Variants in COL27A1 observed in about 807,000 individuals in gnomAD.
The protein encoded by COL27A1 is collagen type XXVII alpha 1 chain, also known as collagen alpha-1(XXVII) chain.
A neutral mutation model predicts 251.3 loss-of-function variants in COL27A1; 106 were observed. The observed-to-expected ratio is 0.42, with a 90% confidence interval of 0.36 to 0.50. The LOEUF is 0.50. COL27A1 is among the 20% of genes least tolerant of loss of function. COL27A1 has a pLI of 0.00. For missense variants in COL27A1, 2,325 were observed against 2,522.8 expected (o/e 0.92, Z 1.68); for synonymous variants, 1,000 against 986.3 (o/e 1.01, Z -0.26).
At chr9:114,272,147 G>A (rs1292154023) in intron 36 of COL27A1, 1 of 152,198 alleles carries the variant, frequency 6.6e-6, no homozygotes, top group Non-Finnish European at 1.5e-5. Context: ...CCCACCCAAA[G>A]GGCTTTATGT....
At position 114,169,143 on chromosome 9, in the gene COL27A1, C is replaced by T. The variant is rs1277447617; in HGVS notation, c.1588C>T (p.Pro530Ser). The change falls in exon 3 of 61, where the codon CCC (proline) becomes TCC (serine). Residue 530 changes from proline to serine, a missense_variant. Transcript: ENST00000356083. ...TGCCGTCCCCACTCCTGGCTCAGCT[C>T]CCACTGGAAGCAAGAAGCCCATTGG... is the stretch of plus-strand genomic sequence containing the variant. ...APAVPTPGSA[P>S]TGSKKPIGSE... 4.3e-6 allele frequency: 7 copies of T among 1,614,024 alleles called. No homozygotes were observed. The highest frequency in any genetic ancestry group is 5.9e-6 in the Non-Finnish European group (7 of 1,180,028).
At chr9:114,262,718 C>G (rs1394693439) in intron 28 of COL27A1, among the ~76,000 whole-genome samples, 1 of 152,220 alleles carries the variant, frequency 6.6e-6, no homozygotes, top group African/African-American at 2.4e-5. Context: ...AGGGCTGGAC[C>G]CCACAATGGG....
intron 10 of COL27A1, among the ~76,000 whole-genome samples, chr9:114,207,625 C>T (rs1454237255): frequency 6.6e-6 from 1 of 152,182 alleles, no homozygotes; most frequent in Non-Finnish European, 1.5e-5. Flanking sequence ...GCCACACAGC[C>T]CTGGGTGGGA....
intron 2 of COL27A1, 111 bp from the exon 3 acceptor site, chr9:114,167,578 A>C (rs1366300444): frequency 7.0e-6 from 6 of 858,166 alleles, no homozygotes; most frequent in Admixed American, 2.3e-5. Context: ...ACAAAGGACC[A>C]GGTAGCTGTG....
chr9:114,279,678 CAATTA>C (rs61010535), intron 37 of COL27A1, among the ~76,000 whole-genome samples: 37,063 of 151,202 alleles, frequency 0.25, 4,662 homozygotes, highest in East Asian at 0.35. Context: ...GTTTCTATAA[CAATTA>C]AATTAAATTA....
At chr9:114,200,376 A>G (rs1196354899) in intron 7 of COL27A1, among the ~76,000 whole-genome samples, 1 of 152,060 alleles carries the variant, frequency 6.6e-6, no homozygotes, top group Non-Finnish European at 1.5e-5. Flanking sequence ...ATTCCACCTA[A>G]TATGCATTTA....
At chr9:114,255,513 C>T (rs7028232) in intron 27 of COL27A1, among the ~76,000 whole-genome samples, 47,902 of 151,984 alleles carry the variant, frequency 0.32, 8,173 homozygotes, top group East Asian at 0.72. Context: ...GGAAGGCCAG[C>T]GGGAGATGGG....
rs563234088 is a variant in COL27A1, at chr9:114,288,568, C to T, written c.4044+57C>T. ...CGTCCTAGGTGGAATCTGAGCCTCC[C>T]GCTGCATGGAGAGGGGTGGGCCGAT... On this transcript the variant is annotated intron_variant, in intron 42 of 60. Transcript: ENST00000356083. 1.8e-4 allele frequency: 273 copies of T among 1,559,940 alleles called. 1 individual carries two copies. The African/African-American group carries it at 2.3e-3, about 13-fold the overall frequency.
chr9:114,241,393 C>T (rs779127938), intron 21 of COL27A1, among the ~76,000 whole-genome samples: 3 of 152,212 alleles, frequency 2.0e-5, no homozygotes, highest in Non-Finnish European at 4.4e-5. Context: ...GGAGCCACCA[C>T]GTGGAGCTGC....
intron 5 of COL27A1, among the ~76,000 whole-genome samples, chr9:114,185,969 G>A (rs1003996555): frequency 2.6e-5 from 4 of 152,210 alleles, no homozygotes; most frequent in African/African-American, 9.6e-5. Context: ...CAGAGGTGAG[G>A]GACCTCATCC....
In COL27A1 at chr9:114,167,793, G is replaced by T; in HGVS notation, c.238G>T (p.Ala80Ser). Reference protein sequence around the residue: ...FQSGFIFTQRARLQAPTGTVI... With the variant: ...FQSGFIFTQRSRLQAPTGTVI... ...GTCGGGCTTCATCTTTACGCAGCGGGCCCGGCTCCAGGCTCCCACGGGCAC... is the reference window on the plus strand; with the variant it reads ...GTCGGGCTTCATCTTTACGCAGCGGTCCCGGCTCCAGGCTCCCACGGGCAC... Residue 80 changes from alanine (A) to serine (S), a missense_variant, in exon 3 of 61, where the codon GCC becomes TCC. Ala to Ser is a moderately conservative substitution (Grantham distance 99). Transcript: ENST00000356083. 1 of 1,613,512 alleles carries T rather than the reference G, an allele frequency of 6.2e-7. No individual in the cohort carries two copies. The highest frequency in any genetic ancestry group is 1.3e-5 in the African/African-American group (1 of 75,066).
chr9:114,305,878 C>T (rs1829005856), intron 57 of COL27A1, among the ~76,000 whole-genome samples: 1 of 152,224 alleles, frequency 6.6e-6, no homozygotes, highest in Non-Finnish European at 1.5e-5. Flanking sequence ...CACGTGACCT[C>T]CGCCACCCCC....
intron 7 of COL27A1, among the ~76,000 whole-genome samples, chr9:114,196,653 G>T (rs1235045260): frequency 6.6e-6 from 1 of 152,220 alleles, no homozygotes; most frequent in Non-Finnish European, 1.5e-5. Flanking sequence ...GAAGGGGAAT[G>T]ATCTGGAGAG....
chr9:114,274,815 TTTA>T (rs138296358), intron 36 of COL27A1, among the ~76,000 whole-genome samples: 1 of 151,636 alleles, frequency 6.6e-6, no homozygotes, highest in South Asian at 2.1e-4. Flanking sequence ...TTACCTACCA[TTTA>T]TTATTATTAT....
chr9:114,229,115 C>T (rs373922762), intron 14 of COL27A1, among the ~76,000 whole-genome samples: 2 of 152,216 alleles, frequency 1.3e-5, no homozygotes, highest in South Asian at 2.1e-4. Flanking sequence ...TGAGCCATGG[C>T]GCCACGCTGG....
At chr9:114,193,447 T>A (rs894591842) in intron 5 of COL27A1, among the ~76,000 whole-genome samples, 1 of 152,098 alleles carries the variant, frequency 6.6e-6, no homozygotes, top group Admixed American at 6.5e-5. Context: ...TCACTGCTTG[T>A]CAGTTTCTCC....
Position 114,168,279 on chromosome 9 carries a change from T to A in COL27A1, c.724T>A (p.Tyr242Asn). The change falls in exon 3 of 61, where the codon TAC becomes AAC. Residue 242 changes from tyrosine (Y) to asparagine (N), a missense_variant. Transcript: ENST00000356083. ...LRKQCGQADT[Y>N]QSPLGPLFSQ... ...GAAGCAGTGTGGACAGGCTGACACG[T>A]ACCAGTCCCCACTGGGACCTCTCTT... is the stretch of plus-strand genomic sequence containing the variant. 1 of 1,613,742 alleles carries A rather than the reference T, an allele frequency of 6.2e-7. No individual in the cohort carries two copies. The highest frequency in any genetic ancestry group is 1.1e-5 in the South Asian group (1 of 91,088).
intron 41 of COL27A1, among the ~76,000 whole-genome samples, chr9:114,286,321 C>A (rs1209206522): frequency 6.6e-6 from 1 of 152,140 alleles, no homozygotes; most frequent in Non-Finnish European, 1.5e-5. Context: ...TGCAGAGGTA[C>A]CATTGTTCTA....
intron 37 of COL27A1, among the ~76,000 whole-genome samples, chr9:114,280,171 A>G (rs1269735202): frequency 6.6e-6 from 1 of 152,098 alleles, no homozygotes; most frequent in Non-Finnish European, 1.5e-5. Context: ...TACTCCAAAC[A>G]AGTTTTGTAG....
Sources: gnomAD v4.1 joint callset for allele counts (sites outside exome capture counted in the v4.1 genomes callset) on GRCh38, gnomAD v4.1.1 for gene constraint, MANE v1.5 for transcripts, NCBI Gene and HGNC (gene_info 2026-07-23, HGNC 2026-07-21) for gene names.